PGM3: variants seen among roughly 807,000 people sequenced by gnomAD.
PGM3 encodes phosphoglucomutase 3, also known as phosphoacetylglucosamine mutase.
PGM3 carries 40 observed loss-of-function variants against 66.2 expected under a neutral mutation model. The observed-to-expected ratio is 0.60, with a 90% CI of 0.47 to 0.79. The LOEUF is 0.79. Ranked by LOEUF, PGM3 falls within the 30% of genes least tolerant of loss-of-function variation. The pLI, the probability that PGM3 is intolerant of heterozygous loss-of-function variation, is 0.00. For synonymous variants in PGM3, 191 were observed against 224.2 expected (o/e 0.85, Z 1.32); for missense variants, 537 against 643.4 (o/e 0.83, Z 1.79).
At chr6:83,149,245 T>G in the PGM3 span, among the ~76,000 whole-genome samples, 2 of 152,176 alleles carry the variant, frequency 1.3e-5, no homozygotes, top group African/African-American at 4.8e-5. Flanking sequence ...GGGAAAATTT[T>G]TCTCTTTGTG....
Position 83,176,018 on chromosome 6 carries a change from G to C in PGM3, c.1072C>G (p.His358Asp). 1 of 1,611,568 alleles carries C rather than the reference G, an allele frequency of 6.2e-7. No individual in the cohort carries two copies. The highest frequency in any genetic ancestry group is 8.5e-7 in the Non-Finnish European group (1 of 1,177,746). Residue 358 changes from histidine to aspartate, a missense_variant, in exon 9 of 13, where the codon CAC becomes GAC. By Grantham distance (81) the His-to-Asp change is moderately conservative (BLOSUM62 -1). Transcript: ENST00000513973. ...CCAATGTCAAACTCTTGAGCCTTGT[G>C]GTGCAAATGTTTTACACCAGTCTTA... ...CTKTGVKHLH[H>D]KAQEFDIGVY...
At position 83,166,616 on chromosome 6, in the gene PGM3, G is replaced by T; in HGVS notation, c.*2618C>A. ...GTATAACATAACCACATTTATTTAA[G>T]AATGTACTCCAATATAAAACGGCAA... On this transcript the variant is annotated 3_prime_UTR_variant, in exon 13 of 13. Transcript: ENST00000513973. 1.3e-6 allele frequency: 1 copy of T among 760,228 alleles called. No individual in the cohort carries two copies. Among genetic ancestry groups the T allele is most frequent in the Non-Finnish European group, 1.9e-6 (1 of 519,120 alleles). 47.1% of individuals were successfully genotyped at this position (760,228 alleles called of 1,614,324 possible).
downstream of PGM3, chr6:83,156,225 A>C: frequency 2.6e-6 from 2 of 765,972 alleles, no homozygotes; most frequent in Non-Finnish European, 4.0e-6. Context: ...GGGAATTAGA[A>C]ATTTTTCTAC....
chr6:83,165,052 A>G lies in PGM3; in HGVS notation c.*4182T>C. On this transcript the variant is annotated 3_prime_UTR_variant, in exon 13 of 13. Transcript: ENST00000513973. ...AAAGGTTACCCCATAGTTCTCTTAC[A>G]TTTGGAAGTTAGCTATATAGAGGGT... The G allele has an allele frequency of 4.5e-6, 1 of 223,910 alleles. No individual in the cohort carries two copies. Among genetic ancestry groups the G allele is most frequent in the South Asian group, 8.9e-5 (1 of 11,242 alleles). 13.9% of individuals were successfully genotyped at this position (223,910 alleles called of 1,614,324 possible).
Position 83,191,006 on chromosome 6 carries a change from A to C in PGM3, c.7T>G (p.Leu3Val). 16 of 1,612,160 alleles carry C rather than the reference A, an allele frequency of 9.9e-6. No homozygotes were observed. Among genetic ancestry groups the C allele is most frequent in the African/African-American group, 1.3e-5 (1 of 75,030 alleles). Residue 3 changes from leucine to valine, a missense_variant, in exon 2 of 13, where the codon TTA becomes GTA. Transcript: ENST00000513973. ...GCTGAGTATTTTGTAATAGCACCTA[A>C]ATCCATGTCTACAAAATTAAGAAAT... Reference protein sequence around the residue: MDLGAITKYSALH... With the variant: MDVGAITKYSALH...
chr6:83,178,012 A>G (rs938704805), intron 8 of PGM3, among the ~76,000 whole-genome samples: 1 of 152,142 alleles, frequency 6.6e-6, no homozygotes, highest in African/African-American at 2.4e-5. Flanking sequence ...TACCACTGCA[A>G]AACTCCATCA....
chr6:83,192,718 A>C (rs1429327279), intron 1 of PGM3, among the ~76,000 whole-genome samples: 1 of 151,998 alleles, frequency 6.6e-6, no homozygotes, highest in African/African-American at 2.4e-5. Context: ...AAAAAGGTCC[A>C]GATAATATGA....
At chr6:83,193,512 G>A (rs1484014638), upstream of PGM3, 1 of 152,120 alleles carries the variant, frequency 6.6e-6, no homozygotes, top group African/African-American at 2.4e-5. Flanking sequence ...TGCGGCCGCG[G>A]AGGCACAGCC....
At chr6:83,162,943 T>G, downstream of PGM3, 7 of 1,604,716 alleles carry the variant, frequency 4.4e-6, no homozygotes, top group Non-Finnish European at 6.0e-6. Context: ...TTGTGATTGT[T>G]TTGTTTTACA....
In PGM3 at chr6:83,167,032, G is replaced by T; in HGVS notation, c.*2202C>A. On this transcript the variant is annotated 3_prime_UTR_variant, in exon 13 of 13. Coordinates refer to ENST00000513973, the MANE Select transcript of PGM3 (RefSeq NM_015599.3). ...TCTAGACAGAATGATGTCTGTAGCTGTGTTTGTGTAATTCAGGTGGCTTCT... is the reference window on the plus strand; with the variant it reads ...TCTAGACAGAATGATGTCTGTAGCTTTGTTTGTGTAATTCAGGTGGCTTCT... 1.0e-6 allele frequency: 1 copy of T among 985,272 alleles called. No homozygotes were observed. Among genetic ancestry groups the T allele is most frequent in the Non-Finnish European group, 1.2e-6 (1 of 829,798 alleles). 61.0% of individuals were successfully genotyped at this position (985,272 alleles called of 1,614,324 possible). A position where few individuals can be genotyped will look rare whatever the true frequency, so the allele number is the denominator to read the frequency against.
In PGM3 at chr6:83,168,674, T is replaced by C; in HGVS notation, c.*560A>G. On this transcript the variant is annotated 3_prime_UTR_variant, in exon 13 of 13. Transcript: ENST00000513973. ...ACCATGCATCCTTAAAAGTATTGCA[T>C]GAGCATCTCCACCTCAGTATGGAAG... 1.0e-6 allele frequency: 1 copy of C among 994,772 alleles called. No homozygotes were observed. Among genetic ancestry groups the C allele is most frequent in the Non-Finnish European group, 1.2e-6 (1 of 835,504 alleles). 61.6% of individuals were successfully genotyped at this position (994,772 alleles called of 1,614,324 possible). A position where few individuals can be genotyped will look rare whatever the true frequency, so the allele number is the denominator to read the frequency against.
chr6:83,154,414 T>G, the PGM3 span: 1 of 612,790 alleles, frequency 1.6e-6, no homozygotes, highest in Non-Finnish European at 2.8e-6. Context: ...TATGGGAATA[T>G]AATCTTAAAA....
intron 2 of PGM3, among the ~76,000 whole-genome samples, chr6:83,190,081 A>G (rs1003622715): frequency 5.9e-5 from 9 of 151,718 alleles, no homozygotes; most frequent in African/African-American, 2.2e-4. Context: ...ATAGTTCATA[A>G]TAATATATAT....
downstream of PGM3, among the ~76,000 whole-genome samples, chr6:83,162,047 C>T (rs970890190): frequency 2.0e-5 from 3 of 151,954 alleles, no homozygotes; most frequent in African/African-American, 7.3e-5. Flanking sequence ...AATATATATC[C>T]TACATGTATA....
chr6:83,156,207 G>C (rs1782748298), downstream of PGM3: 1 of 875,840 alleles, frequency 1.1e-6, no homozygotes, highest in Non-Finnish European at 1.7e-6. Context: ...ATCAAGTGTA[G>C]ATCAATCGGG....
chr6:83,179,243 C>G (rs974572868), intron 7 of PGM3, among the ~76,000 whole-genome samples: 1 of 145,128 alleles, frequency 6.9e-6, no homozygotes, highest in East Asian at 2.0e-4. Flanking sequence ...CCCAGGGAGG[C>G]AGAGGTTGCA....
intron 9 of PGM3, among the ~76,000 whole-genome samples, chr6:83,174,718 T>C (rs1339119940): frequency 2.0e-5 from 3 of 152,186 alleles, no homozygotes; most frequent in African/African-American, 7.2e-5. Context: ...TATAAAAATT[T>C]AAACATCTGA....
rs1788634870 is a variant in PGM3 at position 83,187,039 on chromosome 6, A to G, written c.426T>C (p.Asp142=). Reference sequence around the variant, plus strand: ...ATTGACCTCCTAGAACAGTCACACCATCTATTACAGATTGTGAAAGTTTCT... The same window carrying G: ...ATTGACCTCCTAGAACAGTCACACCGTCTATTACAGATTGTGAAAGTTTCT... ...SSEKLSQSVI[D]GVTVLGGQFH... is the part of the protein sequence containing the mutation. Residue 142 remains aspartate (D), a synonymous_variant, in exon 4 of 13, where the codon GAT becomes GAC. Transcript: ENST00000513973. The G allele has an allele frequency of 7.5e-6, 12 of 1,602,348 alleles. No homozygotes were observed. Among genetic ancestry groups the G allele is most frequent in the Non-Finnish European group, 9.4e-6 (11 of 1,169,662 alleles).
chr6:83,151,599 G>T, the PGM3 span: 4 of 1,604,046 alleles, frequency 2.5e-6, no homozygotes, highest in Non-Finnish European at 3.4e-6. Context: ...TTAGGGTTCT[G>T]AATGAGTTTA....
Sources: allele counts gnomAD v4.1 joint callset (sites outside exome capture counted in the v4.1 genomes callset), GRCh38; gene constraint gnomAD v4.1.1; transcripts MANE v1.5; gene names NCBI Gene and HGNC (gene_info 2026-07-23, HGNC 2026-07-21).